ABL1: variants seen among roughly 807,000 people sequenced by gnomAD.
The protein encoded by ABL1 is ABL proto-oncogene 1, non-receptor tyrosine kinase.
In ABL1, 11 loss-of-function variants were observed where a neutral mutation model predicts 94.7. The ratio of observed to expected loss-of-function variants is 0.12; its 90% confidence interval spans 0.07 to 0.19. The LOEUF (loss-of-function observed/expected upper bound fraction) is 0.19. Among genes scored for constraint, ABL1 ranks in the 10% least tolerant of loss-of-function variants. The probability of loss-of-function intolerance (pLI) is 1.00; values close to 1 mark genes in which losing one functional copy is unlikely to be tolerated. For missense variants in ABL1, 1,082 were observed against 1,489.4 expected, an observed-to-expected ratio of 0.73 and a Z score of 4.50; for synonymous variants, 656 against 622.4, an observed-to-expected ratio of 1.05 and a Z score of -0.80.
At chr9:130,792,167 T>A (rs1455783810) in intron 1 of ABL1, among the ~76,000 whole-genome samples, 1 of 152,142 alleles carries the variant, frequency 6.6e-6, no homozygotes, top group Non-Finnish European at 1.5e-5. Flanking sequence ...CCCTTGGGGC[T>A]CATTTTGGGA....
chr9:130,769,628 C>T (rs543987284), intron 1 of ABL1, among the ~76,000 whole-genome samples: 2 of 152,114 alleles, frequency 1.3e-5, no homozygotes, highest in Admixed American at 6.5e-5. Flanking sequence ...TGTGAGCCAC[C>T]GTCCCCGGCC....
chr9:130,722,308 G>A (rs1347424440), intron 1 of ABL1, among the ~76,000 whole-genome samples: 3 of 152,012 alleles, frequency 2.0e-5, no homozygotes, highest in African/African-American at 4.8e-5. Context: ...CAGGAGAATC[G>A]CTTGAACCTG....
chr9:130,742,500 T>C (rs1324431437), intron 1 of ABL1, among the ~76,000 whole-genome samples: 1 of 152,216 alleles, frequency 6.6e-6, no homozygotes, highest in Non-Finnish European at 1.5e-5. Context: ...CCAGGTTTCG[T>C]CACATATTCC....
intron 1 of ABL1, among the ~76,000 whole-genome samples, chr9:130,799,724 A>G (rs1830029938): frequency 6.6e-6 from 1 of 152,206 alleles, no homozygotes; most frequent in African/African-American, 2.4e-5. Flanking sequence ...TATAAGTACC[A>G]TATAATTGAA....
chr9:130,751,671 C>T (rs988075138), intron 1 of ABL1, among the ~76,000 whole-genome samples: 3 of 152,100 alleles, frequency 2.0e-5, no homozygotes, highest in African/African-American at 7.2e-5. Flanking sequence ...GCTCCAGAGC[C>T]AGGTATGGTC....
intron 1 of ABL1, among the ~76,000 whole-genome samples, chr9:130,735,727 T>C (rs1831726451): frequency 6.6e-6 from 1 of 151,564 alleles, no homozygotes; most frequent in African/African-American, 2.4e-5. Flanking sequence ...TTGGAGTGTT[T>C]CCAGTCTTTA....
intron 4 of ABL1, among the ~76,000 whole-genome samples, chr9:130,869,887 C>T (rs754004593): frequency 1.1e-4 from 17 of 152,116 alleles, no homozygotes; most frequent in African/African-American, 7.2e-5. Flanking sequence ...TGCAGTGGTG[C>T]GATCTTGGCT....
At chr9:130,781,247 T>G (rs1470199406) in intron 1 of ABL1, among the ~76,000 whole-genome samples, 1 of 152,198 alleles carries the variant, frequency 6.6e-6, no homozygotes, top group African/African-American at 2.4e-5. Flanking sequence ...GTAGAATGAT[T>G]TTTTTCTTTG....
chr9:130,815,027 A>G (rs1272098403), intron 1 of ABL1, among the ~76,000 whole-genome samples: 1 of 152,046 alleles, frequency 6.6e-6, no homozygotes, highest in Non-Finnish European at 1.5e-5. Flanking sequence ...GTCTGACTTA[A>G]AGTCTTAATT....
chr9:130,718,299 C>T (rs914149876), intron 1 of ABL1, among the ~76,000 whole-genome samples: 1 of 108,016 alleles, frequency 9.3e-6, no homozygotes, highest in African/African-American at 3.9e-5. Flanking sequence ...GCCTGGGTAA[C>T]AGAATGAGAC....
At chr9:130,800,928 C>CTTTTTTTTT (rs5900906) in intron 1 of ABL1, among the ~76,000 whole-genome samples, 1 of 128,774 alleles carries the variant, frequency 7.8e-6, no homozygotes, top group African/African-American at 2.9e-5. Context: ...TTTTTCTTTC[C>CTTTTTTTTT]TTTTTTTTTT....
intron 1 of ABL1, among the ~76,000 whole-genome samples, chr9:130,842,175 A>C (rs527343210): frequency 1.3e-5 from 2 of 152,322 alleles, no homozygotes; most frequent in East Asian, 3.9e-4. Flanking sequence ...GATGATGGAC[A>C]GGCAGCTGAT....
chr9:130,741,730 G>A (rs1186078880), intron 1 of ABL1, among the ~76,000 whole-genome samples: 5 of 152,256 alleles, frequency 3.3e-5, no homozygotes, highest in Admixed American at 2.6e-4. Context: ...TGGTATACCA[G>A]TTACCATGCC....
intron 1 of ABL1, among the ~76,000 whole-genome samples, chr9:130,795,700 G>C (rs759340923): frequency 6.6e-6 from 1 of 152,156 alleles, no homozygotes; most frequent in South Asian, 2.1e-4. Context: ...AAAAAAGCCA[G>C]AGCTGGACTA....
chr9:130,855,245 AAG>A (rs1830955094), intron 3 of ABL1, 149 bp downstream of exon 3: 1 of 879,382 alleles, frequency 1.1e-6, no homozygotes, highest in Non-Finnish European at 1.7e-6. Flanking sequence ...TAGCCTTATG[AAG>A]ACCCTTTATT....
chr9:130,751,673 G>C (rs912592258), intron 1 of ABL1, among the ~76,000 whole-genome samples: 1 of 152,118 alleles, frequency 6.6e-6, no homozygotes, highest in Non-Finnish European at 1.5e-5. Context: ...TCCAGAGCCA[G>C]GTATGGTCAG....
At chr9:130,797,921 A>G (rs935471745) in intron 1 of ABL1, among the ~76,000 whole-genome samples, 11 of 152,114 alleles carry the variant, frequency 7.2e-5, no homozygotes, top group Non-Finnish European at 1.6e-4. Context: ...GCATCAAGAG[A>G]CTGTGCCCCA....
intron 1 of ABL1, among the ~76,000 whole-genome samples, chr9:130,811,244 G>A (rs933842812): frequency 1.1e-4 from 16 of 152,204 alleles, no homozygotes; most frequent in African/African-American, 9.6e-5. Context: ...AGCTATGATC[G>A]CACCACTGCA....
At chr9:130,795,074 G>A (rs1328519670) in intron 1 of ABL1, among the ~76,000 whole-genome samples, 1 of 152,142 alleles carries the variant, frequency 6.6e-6, no homozygotes, top group Non-Finnish European at 1.5e-5. Flanking sequence ...CTGGTATGGA[G>A]GCCTAAAGCT....
Sources: gnomAD v4.1 joint callset for allele counts (sites outside exome capture counted in the v4.1 genomes callset) on GRCh38, gnomAD v4.1.1 for gene constraint, MANE v1.5 for transcripts, NCBI Gene and HGNC (gene_info 2026-07-23, HGNC 2026-07-21) for gene names.